The following FBXO25 variants were observed in gnomAD, a reference collection of about 807,000 sequenced individuals.
The protein encoded by FBXO25 is F-box only protein 25.
In FBXO25, 45 loss-of-function variants were observed where a neutral mutation model predicts 51.9. That is an observed-to-expected ratio of 0.87 (90% CI 0.68 to 1.11). The LOEUF (loss-of-function observed/expected upper bound fraction) is 1.11. Among genes scored for constraint, FBXO25 ranks in the 50% most tolerant of loss-of-function variants. The probability of loss-of-function intolerance (pLI) is 0.00; values close to 1 mark genes in which losing one functional copy is unlikely to be tolerated. For synonymous variants in FBXO25, 199 were observed against 151.0 expected, an observed-to-expected ratio of 1.32 and a Z score of -2.33; for missense variants, 507 against 428.5, an observed-to-expected ratio of 1.18 and a Z score of -1.62.
intron 7 of FBXO25, among the ~76,000 whole-genome samples, chr8:454,938 A>C (rs1799333428): frequency 6.6e-6 from 1 of 151,676 alleles, no homozygotes; most frequent in South Asian, 2.1e-4. Context: ...GAGAGTATCC[A>C]GGTGATGGCC....
chr8:455,828 T>C (rs1243804924), intron 7 of FBXO25, among the ~76,000 whole-genome samples: 1 of 152,230 alleles, frequency 6.6e-6, no homozygotes, highest in African/African-American at 2.4e-5. Flanking sequence ...TTCTGACATG[T>C]TCAGCAAGAC....
chr8:440,261 T>TTAGA (rs1563080397), intron 5 of FBXO25, among the ~76,000 whole-genome samples: 1 of 152,246 alleles, frequency 6.6e-6, no homozygotes, highest in Non-Finnish European at 1.5e-5. Flanking sequence ...GTTAGAAAGA[T>TTAGA]TAGATTAGTT....
intron 2 of FBXO25, among the ~76,000 whole-genome samples, chr8:415,076 A>G (rs142369262): frequency 0.016 from 2,446 of 152,342 alleles, 52 homozygotes; most frequent in African/African-American, 0.056. Flanking sequence ...TGTAATCACC[A>G]TTTAAAATCA....
At chr8:410,066 C>T (rs574946943) in intron 1 of FBXO25, among the ~76,000 whole-genome samples, 7 of 152,154 alleles carry the variant, frequency 4.6e-5, no homozygotes, top group Non-Finnish European at 1.0e-4. Flanking sequence ...CATTTAAGAT[C>T]TAACCATGCT....
chr8:423,867 A>G (rs1439039963), intron 2 of FBXO25, among the ~76,000 whole-genome samples: 3 of 152,222 alleles, frequency 2.0e-5, no homozygotes, highest in Non-Finnish European at 2.9e-5. Context: ...AGAAATCTCT[A>G]GACCACTTCC....
chr8:428,143 T>C (rs1797603756), intron 2 of FBXO25, among the ~76,000 whole-genome samples: 1 of 152,208 alleles, frequency 6.6e-6, no homozygotes, highest in East Asian at 1.9e-4. Flanking sequence ...TTCTTCTCTA[T>C]TCTCTTCTCT....
chr8:466,655 T>A (rs980425410), intron 9 of FBXO25, among the ~76,000 whole-genome samples: 1 of 152,190 alleles, frequency 6.6e-6, no homozygotes, highest in African/African-American at 2.4e-5. Flanking sequence ...CTTCCCACAG[T>A]ACATAAGCTT....
At chr8:448,607 C>T (rs747110021) in intron 5 of FBXO25, among the ~76,000 whole-genome samples, 14 of 152,210 alleles carry the variant, frequency 9.2e-5, no homozygotes, top group Non-Finnish European at 1.8e-4. Flanking sequence ...CAGTGTCCAT[C>T]GGACTGGATG....
intron 5 of FBXO25, among the ~76,000 whole-genome samples, chr8:437,283 C>T (rs909618023): frequency 6.6e-6 from 1 of 152,196 alleles, no homozygotes; most frequent in African/African-American, 2.4e-5. Context: ...GCTTACTTTG[C>T]AACCCTCTTG....
intron 1 of FBXO25, among the ~76,000 whole-genome samples, chr8:412,566 C>T (rs188512828): frequency 6.6e-6 from 1 of 152,076 alleles, no homozygotes; most frequent in African/African-American, 2.4e-5. Flanking sequence ...TTTGGCCCCT[C>T]ATTGCCCTCA....
At chr8:408,426 C>T (rs183450757) in intron 1 of FBXO25, among the ~76,000 whole-genome samples, 1 of 152,324 alleles carries the variant, frequency 6.6e-6, no homozygotes, top group East Asian at 1.9e-4. Flanking sequence ...AGCATGGATC[C>T]TGGAGTGAGA....
intron 5 of FBXO25, among the ~76,000 whole-genome samples, chr8:449,425 A>G (rs1327300928): frequency 6.6e-6 from 1 of 152,236 alleles, no homozygotes; most frequent in East Asian, 1.9e-4. Flanking sequence ...CAGAATACAA[A>G]TTCTACAATT....
At position 431,285 on chromosome 8, in the gene FBXO25, A is replaced by T. The variant is rs1361735301; in HGVS notation, c.135-56A>T. The T allele has an allele frequency of 3.2e-6, 3 of 932,478 alleles. No individual in the cohort carries two copies. The East Asian group carries it at 7.9e-5, about 24-fold the overall frequency. The allele number at this position is 932,478 out of a possible 1,614,324, so 57.8% of individuals were successfully genotyped here. A position where few individuals can be genotyped will look rare whatever the true frequency, so the allele number is the denominator to read the frequency against. ...TATTTATATCCTTTTACAAAAGAAA[A>T]GCCAAATGAAGATCTCCCTGAAAAA... On this transcript the variant is annotated intron_variant, in intron 2 of 9. Transcript: ENST00000350302.
At chr8:464,190 G>A (rs1396092462) in intron 9 of FBXO25, among the ~76,000 whole-genome samples, 1 of 152,188 alleles carries the variant, frequency 6.6e-6, no homozygotes, top group Non-Finnish European at 1.5e-5. Flanking sequence ...CCAAGCTCAA[G>A]CAATATCTAT....
chr8:418,930 G>T (rs750585367), intron 2 of FBXO25, among the ~76,000 whole-genome samples: 1 of 152,114 alleles, frequency 6.6e-6, no homozygotes, highest in Non-Finnish European at 1.5e-5. Flanking sequence ...GGCTAAAACT[G>T]TAAAGTTTTA....
At chr8:414,642 G>C (rs1005545681) in intron 2 of FBXO25, among the ~76,000 whole-genome samples, 1 of 151,968 alleles carries the variant, frequency 6.6e-6, no homozygotes, top group African/African-American at 2.4e-5. Flanking sequence ...GAATACAGTC[G>C]AGATATGTTT....
At chr8:434,382 G>A (rs1354641160) in intron 4 of FBXO25, among the ~76,000 whole-genome samples, 3 of 152,202 alleles carry the variant, frequency 2.0e-5, no homozygotes, top group Non-Finnish European at 4.4e-5. Flanking sequence ...CAGCTGTGAT[G>A]GATTTCAGAT....
At chr8:435,762 T>C in intron 5 of FBXO25, 55 bp downstream of exon 5, 1 of 1,556,732 alleles carries the variant, frequency 6.4e-7, no homozygotes, top group East Asian at 2.3e-5. Flanking sequence ...AACTATATTT[T>C]GAAGATTGTA....
chr8:468,896 T>A lies in FBXO25; in HGVS notation c.*92T>A. ...GTTCTGTGAGGTGGGTGGAGACTCCTCGGAAGCCCCTGCTTCCAGAAAGCC... is the reference window on the plus strand; with the variant it reads ...GTTCTGTGAGGTGGGTGGAGACTCCACGGAAGCCCCTGCTTCCAGAAAGCC... On this transcript the variant is annotated 3_prime_UTR_variant, in exon 10 of 10. Transcript: ENST00000350302. 8.3e-7 allele frequency: 1 copy of A among 1,204,124 alleles called. No individual in the cohort carries two copies. The highest frequency in any genetic ancestry group is 2.5e-5 in the Admixed American group (1 of 40,620). 74.6% of individuals were successfully genotyped at this position (1,204,124 alleles called of 1,614,324 possible). A position where few individuals can be genotyped will look rare whatever the true frequency, so the allele number is the denominator to read the frequency against.
Sources: gnomAD v4.1 joint callset for allele counts (sites outside exome capture counted in the v4.1 genomes callset) on GRCh38, gnomAD v4.1.1 for gene constraint, MANE v1.5 for transcripts, NCBI Gene and HGNC (gene_info 2026-07-23, HGNC 2026-07-21) for gene names.